The following CADM2 variants were observed in gnomAD, a reference collection of about 807,000 sequenced individuals.
CADM2 encodes immunoglobulin superfamily member 4D.
A neutral mutation model predicts 49.8 loss-of-function variants in CADM2; 12 were observed. The observed-to-expected ratio is 0.24, with a 90% CI of 0.15 to 0.39. The LOEUF is 0.39. Ranked by LOEUF, CADM2 falls within the 10% of genes least tolerant of loss-of-function variation. The probability of loss-of-function intolerance (pLI) is 1.00; values close to 1 mark genes in which losing one functional copy is unlikely to be tolerated. For synonymous variants in CADM2, 214 were observed against 175.4 expected (o/e 1.22, Z -1.74); for missense variants, 378 against 492.3 (o/e 0.77, Z 2.20).
At chr3:85,975,757 A>C (rs1172183251) in intron 8 of CADM2, among the ~76,000 whole-genome samples, 3 of 151,618 alleles carry the variant, frequency 2.0e-5, no homozygotes, top group South Asian at 2.1e-4. Context: ...GGAACACACA[A>C]AAAAATGAGC....
chr3:85,539,795 G>A lies in CADM2; in HGVS notation c.62-186727G>A, dbSNP rs2061501302. On this transcript the variant is annotated intron_variant, in intron 1 of 9. Transcript: ENST00000383699. Reference sequence around the variant, plus strand: ...ATGCAAGTGCCATTTCTAACATAGGGGAAATGGACAAGGTGAAGCTGAATA... The same window carrying A: ...ATGCAAGTGCCATTTCTAACATAGGAGAAATGGACAAGGTGAAGCTGAATA... Among the ~76,000 whole-genome samples the A allele has an allele frequency of 2.0e-5, 3 of 152,032 alleles. No individual in the cohort carries two copies. The South Asian group carries it at 6.2e-4, about 31-fold the overall frequency.
intron 8 of CADM2, among the ~76,000 whole-genome samples, chr3:85,964,369 T>TCTTA (rs1331395543): frequency 3.3e-5 from 5 of 151,804 alleles, no homozygotes; most frequent in African/African-American, 4.8e-5. Flanking sequence ...TTCTATTGAT[T>TCTTA]CTTAACTTGA....
intron 1 of CADM2, among the ~76,000 whole-genome samples, chr3:85,393,828 T>C (rs545431292): frequency 1.3e-5 from 2 of 152,294 alleles, no homozygotes; most frequent in African/African-American, 2.4e-5. Flanking sequence ...AACTTTGTCT[T>C]AAAGAAGTGA....
At chr3:85,222,222 T>A (rs1223668076) in intron 1 of CADM2, among the ~76,000 whole-genome samples, 2 of 152,180 alleles carry the variant, frequency 1.3e-5, no homozygotes, top group African/African-American at 2.4e-5. Context: ...GAACTATTAA[T>A]AAATGGCTTG....
At chr3:85,968,954 T>C (rs1725788073) in intron 8 of CADM2, among the ~76,000 whole-genome samples, 1 of 151,630 alleles carries the variant, frequency 6.6e-6, no homozygotes, top group Non-Finnish European at 1.5e-5. Context: ...TTGTTTCGGA[T>C]TCTAAAATTT....
chr3:86,041,980 A>G (rs1048097776), intron 8 of CADM2, among the ~76,000 whole-genome samples: 9 of 152,124 alleles, frequency 5.9e-5, no homozygotes, highest in African/African-American at 2.2e-4. Flanking sequence ...GAATGACTAC[A>G]GGGTACATAA....
intron 1 of CADM2, among the ~76,000 whole-genome samples, chr3:85,230,955 G>T (rs72915070): frequency 0.066 from 9,993 of 151,816 alleles, 1,087 homozygotes; most frequent in African/African-American, 0.23. Flanking sequence ...AGTTTTGGGT[G>T]CTGGAAGTTG....
chr3:84,966,384 A>G (rs1172864621), intron 1 of CADM2, among the ~76,000 whole-genome samples: 1 of 151,990 alleles, frequency 6.6e-6, no homozygotes, highest in African/African-American at 2.4e-5. Flanking sequence ...GCTTTCAGGG[A>G]TGTATAATAG....
intron 1 of CADM2, among the ~76,000 whole-genome samples, chr3:85,164,191 T>A (rs1476887209): frequency 3.3e-5 from 5 of 152,048 alleles, no homozygotes; most frequent in African/African-American, 4.8e-5. Flanking sequence ...TTTTCATGTG[T>A]AATATTGAGA....
intron 1 of CADM2, among the ~76,000 whole-genome samples, chr3:85,250,803 T>A (rs1344560933): frequency 1.3e-5 from 2 of 151,750 alleles, no homozygotes; most frequent in Non-Finnish European, 3.0e-5. Context: ...TAATACTTAT[T>A]TATGAATATT....
At chr3:85,790,650 A>G (rs1170526728) in intron 2 of CADM2, among the ~76,000 whole-genome samples, 2 of 152,126 alleles carry the variant, frequency 1.3e-5, no homozygotes, top group African/African-American at 2.4e-5. Flanking sequence ...GCTGCTCACA[A>G]TGGCCATAGT....
At chr3:85,395,296 CAAAAA>C (rs58315220) in intron 1 of CADM2, among the ~76,000 whole-genome samples, 2 of 75,548 alleles carry the variant, frequency 2.6e-5, no homozygotes, top group East Asian at 4.0e-4. Flanking sequence ...AGACTCCATA[CAAAAA>C]AAAAAAAAAA....
intron 5 of CADM2, among the ~76,000 whole-genome samples, chr3:85,899,002 G>C (rs1219971281): frequency 2.2e-5 from 2 of 90,662 alleles, no homozygotes; most frequent in African/African-American, 7.9e-5. Flanking sequence ...GTCTCACTCT[G>C]TCTCCCAGGT....
intron 2 of CADM2, among the ~76,000 whole-genome samples, chr3:85,759,298 A>C (rs2069263866): frequency 6.6e-6 from 1 of 152,066 alleles, no homozygotes; most frequent in Non-Finnish European, 1.5e-5. Flanking sequence ...TAAGCACTTA[A>C]ATTTCAAGCA....
intron 1 of CADM2, among the ~76,000 whole-genome samples, chr3:85,552,558 G>C (rs982174705): frequency 6.6e-6 from 1 of 151,104 alleles, no homozygotes; most frequent in Non-Finnish European, 1.5e-5. Flanking sequence ...TTTTTTGTAT[G>C]TTTAGTAGAG....
chr3:85,367,140 A>T (rs1027723083), intron 1 of CADM2, among the ~76,000 whole-genome samples: 2 of 152,072 alleles, frequency 1.3e-5, no homozygotes, highest in African/African-American at 4.8e-5. Context: ...ATATTTTAAT[A>T]TTCATATACC....
At chr3:85,491,308 A>G (rs2039659068) in intron 1 of CADM2, among the ~76,000 whole-genome samples, 1 of 152,152 alleles carries the variant, frequency 6.6e-6, no homozygotes, top group Non-Finnish European at 1.5e-5. Context: ...TAGATTTGGA[A>G]ATTTTTTAAT....
At chr3:85,166,434 A>G (rs1391150606) in intron 1 of CADM2, among the ~76,000 whole-genome samples, 4 of 151,876 alleles carry the variant, frequency 2.6e-5, no homozygotes, top group East Asian at 1.9e-4. Flanking sequence ...ATATTCAGAC[A>G]TAATTATCCT....
Position 85,475,327 on chromosome 3 carries a change from C to G in CADM2, c.62-251195C>G, listed in dbSNP as rs1202220265. Among the ~76,000 whole-genome samples the G allele has an allele frequency of 5.9e-5, 9 of 152,008 alleles. No individual in the cohort carries two copies. The East Asian group carries it at 1.7e-3, about 29-fold the overall frequency. On this transcript the variant is annotated intron_variant, in intron 1 of 9. Transcript: ENST00000383699. ...GGCTAGTGTGGGCCTGGCCTCCTAT[C>G]TATCCTATCCAGCTCTGTGACTTTA...
Sources: gnomAD v4.1 joint callset for allele counts (sites outside exome capture counted in the v4.1 genomes callset) on GRCh38, gnomAD v4.1.1 for gene constraint, MANE v1.5 for transcripts, NCBI Gene and HGNC (gene_info 2026-07-23, HGNC 2026-07-21) for gene names.